SH3D19: variants seen among roughly 807,000 people sequenced by gnomAD.
SH3D19 encodes the protein SH3 domain containing 19, also known as SH3 domain-containing protein 19.
In SH3D19, 58 loss-of-function variants were observed where a neutral mutation model predicts 112.1. The observed-to-expected ratio is 0.52, with a 90% confidence interval of 0.42 to 0.64. SH3D19 has a LOEUF of 0.64. Among genes scored for constraint, SH3D19 ranks in the 30% least tolerant of loss-of-function variants. The pLI is 0.00. For synonymous variants in SH3D19, 391 were observed against 448.5 expected, an observed-to-expected ratio of 0.87 and a Z score of 1.62; for missense variants, 1,090 against 1,263.4, an observed-to-expected ratio of 0.86 and a Z score of 2.08.
intron 1 of SH3D19, among the ~76,000 whole-genome samples, chr4:151,320,802 G>A (rs1026854039): frequency 2.0e-5 from 3 of 152,162 alleles, no homozygotes; most frequent in Admixed American, 1.3e-4. Flanking sequence ...CACTTTGGGA[G>A]GCCAAGGCAG....
At chr4:151,240,449 C>T (rs1770467678) in intron 1 of SH3D19, among the ~76,000 whole-genome samples, 1 of 151,558 alleles carries the variant, frequency 6.6e-6, no homozygotes, top group African/African-American at 2.4e-5. Flanking sequence ...CTCTTCACTA[C>T]GTGTTTCATA....
chr4:151,282,563 T>C, intron 1 of SH3D19: 1 of 828,988 alleles, frequency 1.2e-6, no homozygotes, highest in Non-Finnish European at 1.8e-6. Flanking sequence ...TTAAATAAAA[T>C]ATCTTTTTTG....
intron 1 of SH3D19, among the ~76,000 whole-genome samples, chr4:151,247,519 A>G: frequency 6.6e-6 from 1 of 152,340 alleles, no homozygotes; most frequent in South Asian, 2.1e-4. Context: ...CATATAATTT[A>G]TATTCCATAA....
chr4:151,132,288 C>T (rs780363099), intron 17 of SH3D19, 43 bp downstream of exon 17: 1 of 1,526,524 alleles, frequency 6.6e-7, no homozygotes, highest in South Asian at 1.2e-5. Flanking sequence ...CTCCCAGAGT[C>T]TGAACCTGGC....
At chr4:151,212,845 C>A (rs1206594722) in intron 2 of SH3D19, among the ~76,000 whole-genome samples, 1 of 152,142 alleles carries the variant, frequency 6.6e-6, no homozygotes, top group African/African-American at 2.4e-5. Context: ...AAATGGAAAA[C>A]CTGGAAAGGA....
At chr4:151,255,095 C>T (rs1561404748) in intron 1 of SH3D19, among the ~76,000 whole-genome samples, 1 of 150,062 alleles carries the variant, frequency 6.7e-6, no homozygotes, top group Non-Finnish European at 1.5e-5. Flanking sequence ...CACCTCCCTC[C>T]CGGATGGGGC....
At chr4:151,212,490 CT>C in intron 2 of SH3D19, among the ~76,000 whole-genome samples, 1 of 152,280 alleles carries the variant, frequency 6.6e-6, no homozygotes, top group Admixed American at 6.5e-5. Flanking sequence ...TATGATAAAT[CT>C]ATTCTGCCAG....
At chr4:151,237,582 G>T (rs1012396520) in intron 1 of SH3D19, among the ~76,000 whole-genome samples, 3 of 152,084 alleles carry the variant, frequency 2.0e-5, no homozygotes, top group Non-Finnish European at 2.9e-5. Flanking sequence ...ACAAACTGAC[G>T]TCTCTAAGCT....
intron 3 of SH3D19, among the ~76,000 whole-genome samples, chr4:151,181,267 TC>T (rs1003333209): frequency 1.6e-4 from 24 of 152,156 alleles, no homozygotes; most frequent in Middle Eastern, 3.4e-3. Flanking sequence ...CATAGATCTT[TC>T]CCCCCTATTA....
chr4:151,194,330 A>G (rs1275314981), intron 2 of SH3D19, among the ~76,000 whole-genome samples: 1 of 148,492 alleles, frequency 6.7e-6, no homozygotes, highest in Non-Finnish European at 1.5e-5. Flanking sequence ...CCCAGCCAGT[A>G]GGATTAATTT....
chr4:151,239,473 G>A (rs1770388593), intron 1 of SH3D19, among the ~76,000 whole-genome samples: 1 of 152,054 alleles, frequency 6.6e-6, no homozygotes, highest in African/African-American at 2.4e-5. Context: ...CTTACCACAA[G>A]GCTTCAAAAA....
intron 17 of SH3D19, among the ~76,000 whole-genome samples, chr4:151,130,073 C>A (rs1750294572): frequency 6.6e-6 from 1 of 152,148 alleles, no homozygotes; most frequent in Non-Finnish European, 1.5e-5. Context: ...TTAAGGGACA[C>A]ACAGGCCAAT....
At chr4:151,203,413 C>A (rs894828561) in intron 2 of SH3D19, among the ~76,000 whole-genome samples, 2 of 152,204 alleles carry the variant, frequency 1.3e-5, no homozygotes, top group Admixed American at 6.5e-5. Context: ...AAGGAATAAA[C>A]TTCTAGAGGT....
chr4:151,129,113 G>GTCCC (rs1750055513), intron 17 of SH3D19, among the ~76,000 whole-genome samples: 1 of 152,176 alleles, frequency 6.6e-6, no homozygotes, highest in Non-Finnish European at 1.5e-5. Context: ...GTTGGTCTAT[G>GTCCC]AATTCCCAGG....
intron 9 of SH3D19, among the ~76,000 whole-genome samples, chr4:151,150,110 A>G (rs1339100020): frequency 7.2e-6 from 1 of 138,012 alleles, no homozygotes; most frequent in Non-Finnish European, 1.5e-5. Flanking sequence ...GCGTGAACCC[A>G]GGAGGCAGAG....
intron 14 of SH3D19, among the ~76,000 whole-genome samples, chr4:151,135,556 T>C (rs1751655697): frequency 6.6e-6 from 1 of 151,646 alleles, no homozygotes; most frequent in African/African-American, 2.4e-5. Context: ...GCCCCACAAG[T>C]AGCTGGGACT....
At chr4:151,262,027 T>G (rs1032405367) in intron 1 of SH3D19, among the ~76,000 whole-genome samples, 1 of 152,200 alleles carries the variant, frequency 6.6e-6, no homozygotes, top group South Asian at 2.1e-4. Context: ...TAAATACATA[T>G]TCTGAAGACA....
At position 151,137,734 on chromosome 4, in the gene SH3D19, T is replaced by A; in HGVS notation, c.2425A>T (p.Ile809Phe). 6.3e-7 allele frequency: 1 copy of A among 1,591,552 alleles called. No individual in the cohort carries two copies. The highest frequency in any genetic ancestry group is 1.4e-5 in the African/African-American group (1 of 73,692). Residue 809 changes from isoleucine to phenylalanine, a missense_variant and splice_region_variant, in exon 14 of 20, where the codon ATT (isoleucine) becomes TTT (phenylalanine). Physicochemically the swap from Ile to Phe is conservative, Grantham distance 21 (BLOSUM62 0). Coordinates refer to ENST00000604030, the MANE Select transcript of SH3D19 (RefSeq NM_001378122.1). ...GIFPANYVKV[I>F]IDIPEGGNGK... ...TAAAACAAACACAACCCACTTACAA[T>A]CACTTTGACATAGTTGGCAGGAAAT... is the stretch of plus-strand genomic sequence containing the variant.
intron 1 of SH3D19, among the ~76,000 whole-genome samples, chr4:151,316,280 A>C (rs1432158505): frequency 1.3e-5 from 2 of 152,212 alleles, no homozygotes; most frequent in Non-Finnish European, 2.9e-5. Flanking sequence ...CAGGGTCATC[A>C]AAAACAAGGA....
Sources: allele counts gnomAD v4.1 joint callset (sites outside exome capture counted in the v4.1 genomes callset), GRCh38; gene constraint gnomAD v4.1.1; transcripts MANE v1.5; gene names NCBI Gene and HGNC (gene_info 2026-07-23, HGNC 2026-07-21).